AASS: variants seen among roughly 807,000 people sequenced by gnomAD.
The protein encoded by AASS is alpha-aminoadipic semialdehyde synthase, mitochondrial.
A neutral mutation model predicts 105.4 loss-of-function variants in AASS; 86 were observed. The observed-to-expected ratio is 0.82, with a 90% CI of 0.69 to 0.98. The LOEUF is 0.98. Among genes scored for constraint, AASS ranks in the 50% least tolerant of loss-of-function variants. AASS has a pLI of 0.00. For synonymous variants in AASS, 381 were observed against 394.8 expected, an observed-to-expected ratio of 0.96 and a Z score of 0.41; for missense variants, 1,048 against 1,143.2, an observed-to-expected ratio of 0.92 and a Z score of 1.20.
chr7:122,113,458 T>A, intron 10 of AASS, 140 bp downstream of exon 10: 1 of 1,156,264 alleles, frequency 8.6e-7, no homozygotes, highest in Non-Finnish European at 1.2e-6. Context: ...TGCATGTTTT[T>A]TTCCCCAAAT....
chr7:122,130,918 ATG>A (rs1260407258), intron 2 of AASS, among the ~76,000 whole-genome samples: 3 of 151,874 alleles, frequency 2.0e-5, no homozygotes, highest in African/African-American at 7.2e-5. Context: ...TGTTCAAGAT[ATG>A]TTGTTACTAA....
At chr7:122,133,803 G>A in intron 1 of AASS, 62 bp from the exon 2 acceptor site, 1 of 1,403,804 alleles carries the variant, frequency 7.1e-7, no homozygotes, top group Non-Finnish European at 1.0e-6. Flanking sequence ...ATCAGTTCTG[G>A]TCTCCTGAGA....
intron 9 of AASS, among the ~76,000 whole-genome samples, 199 bp from the exon 10 acceptor site, chr7:122,113,919 T>A: frequency 1.7e-5 from 2 of 116,394 alleles, no homozygotes; most frequent in African/African-American, 3.4e-5. Context: ...TGAATTTTAG[T>A]CTCCAAAAAA....
chr7:122,093,640 T>C (rs1190936010), intron 15 of AASS, among the ~76,000 whole-genome samples: 1 of 151,924 alleles, frequency 6.6e-6, no homozygotes, highest in African/African-American at 2.4e-5. Context: ...TGAAACATCA[T>C]CTCTACAACA....
rs748945428 is a variant in AASS, at chr7:122,116,771, A to G, written c.767-11T>C. 1 of 1,614,016 alleles carries G rather than the reference A, an allele frequency of 6.2e-7. No homozygotes were observed. Among genetic ancestry groups the G allele is most frequent in the Non-Finnish European group, 8.5e-7 (1 of 1,179,918 alleles). On this transcript the variant is annotated splice_polypyrimidine_tract_variant and intron_variant, in intron 7 of 23. Transcript: ENST00000417368. ...ACACTTTTCTGAGGTCTTGAAAAGG[A>G]GAAAGAAATTAGTAAAGTGGGTGAC...
chr7:122,113,271 A>T (rs749411272), intron 10 of AASS, 42 bp from the exon 11 acceptor site: 10 of 1,551,948 alleles, frequency 6.4e-6, no homozygotes, highest in Non-Finnish European at 7.1e-6. Flanking sequence ...ACAAAACATT[A>T]TTTGTAAGTT....
At chr7:122,141,361 A>G (rs1448331386) in intron 1 of AASS, among the ~76,000 whole-genome samples, 1 of 152,188 alleles carries the variant, frequency 6.6e-6, no homozygotes, top group African/African-American at 2.4e-5. Context: ...TTATAATTTT[A>G]GCTTCATTGA....
chr7:122,080,734 A>G (rs1392800781), intron 20 of AASS, among the ~76,000 whole-genome samples: 1 of 152,260 alleles, frequency 6.6e-6, no homozygotes, highest in Non-Finnish European at 1.5e-5. Context: ...CCATAAATAT[A>G]TACACCTACT....
intron 11 of AASS, among the ~76,000 whole-genome samples, chr7:122,109,800 A>G (rs1794844109): frequency 6.6e-6 from 1 of 152,076 alleles, no homozygotes; most frequent in Non-Finnish European, 1.5e-5. Flanking sequence ...CCAAAAACAG[A>G]CAAATGGAAT....
chr7:122,124,364 C>T (rs544430251), intron 4 of AASS, among the ~76,000 whole-genome samples: 2 of 152,222 alleles, frequency 1.3e-5, no homozygotes, highest in South Asian at 2.1e-4. Context: ...CTTCCTGCAA[C>T]CTCCACCTCT....
intron 20 of AASS, 95 bp from the exon 21 acceptor site, chr7:122,079,807 T>A: frequency 1.3e-6 from 1 of 792,318 alleles, no homozygotes; most frequent in East Asian, 2.7e-5. Flanking sequence ...GAACTTCAAA[T>A]ACACCTCAAA....
At chr7:122,113,496 A>C in intron 10 of AASS, 102 bp downstream of exon 10, 1 of 1,487,748 alleles carries the variant, frequency 6.7e-7, no homozygotes, top group Non-Finnish European at 9.2e-7. Flanking sequence ...TATCTCTCCA[A>C]ATTTTCATAA....
chr7:122,100,660 A>G (rs1364995575), intron 13 of AASS, among the ~76,000 whole-genome samples: 1 of 151,770 alleles, frequency 6.6e-6, no homozygotes, highest in East Asian at 1.9e-4. Flanking sequence ...ATGTGAAAAG[A>G]CCAGCAGAGT....
At chr7:122,114,239 C>G (rs1313515745) in intron 9 of AASS, among the ~76,000 whole-genome samples, 1 of 152,198 alleles carries the variant, frequency 6.6e-6, no homozygotes, top group Non-Finnish European at 1.5e-5. Flanking sequence ...ATTCAGCACC[C>G]TAAATATGCT....
intron 14 of AASS, 65 bp downstream of exon 14, chr7:122,098,680 T>A: frequency 6.3e-7 from 1 of 1,590,968 alleles, no homozygotes; most frequent in Non-Finnish European, 8.6e-7. Context: ...AGTAGTCTTC[T>A]AAAATGTAGA....
intron 7 of AASS, 25 bp from the exon 8 acceptor site, chr7:122,116,785 A>G (rs1482652162): frequency 1.9e-6 from 3 of 1,613,780 alleles, no homozygotes; most frequent in Non-Finnish European, 2.5e-6. Flanking sequence ...AGAAATTAGT[A>G]AAGTGGGTGA....
At chr7:122,110,695 C>T (rs1794892574) in intron 11 of AASS, among the ~76,000 whole-genome samples, 1 of 151,820 alleles carries the variant, frequency 6.6e-6, no homozygotes, top group South Asian at 2.1e-4. Context: ...AGATTAAGCT[C>T]TCTAATGAAC....
intron 1 of AASS, among the ~76,000 whole-genome samples, chr7:122,139,919 T>C (rs996514471): frequency 5.9e-5 from 9 of 151,632 alleles, no homozygotes; most frequent in African/African-American, 2.2e-4. Context: ...GCCATTACAC[T>C]CCCACCTGGA....
At chr7:122,083,173 T>C (rs1173741870) in intron 19 of AASS, among the ~76,000 whole-genome samples, 1 of 152,140 alleles carries the variant, frequency 6.6e-6, no homozygotes, top group Non-Finnish European at 1.5e-5. Context: ...AATTTTCCCA[T>C]TTCTAAAGGT....
Sources: allele counts gnomAD v4.1 joint callset (sites outside exome capture counted in the v4.1 genomes callset), GRCh38; gene constraint gnomAD v4.1.1; transcripts MANE v1.5; gene names NCBI Gene and HGNC (gene_info 2026-07-23, HGNC 2026-07-21).